MFSD6: variants seen among roughly 807,000 people sequenced by gnomAD.
MFSD6 encodes the protein major facilitator superfamily domain-containing protein 6.
Under a neutral mutation model 56.3 loss-of-function variants are expected in MFSD6, and 26 were observed. The observed-to-expected ratio is 0.46, with a 90% CI of 0.34 to 0.64. The LOEUF is 0.64. Among genes scored for constraint, MFSD6 ranks in the 30% least tolerant of loss-of-function variants. The probability of loss-of-function intolerance (pLI) is 0.01; values close to 1 mark genes in which losing one functional copy is unlikely to be tolerated. For synonymous variants in MFSD6, 331 were observed against 366.9 expected (o/e 0.90, Z 1.12); for missense variants, 750 against 986.2 (o/e 0.76, Z 3.21).
intron 2 of MFSD6, among the ~76,000 whole-genome samples, chr2:190,419,164 GA>G (rs1230544803): frequency 3.9e-5 from 6 of 152,178 alleles, no homozygotes; most frequent in African/African-American, 1.4e-4. Flanking sequence ...AAATCTATGG[GA>G]ATTGACCTCG....
rs777452748 is a variant in MFSD6, at chr2:190,436,673, C to T, written c.644C>T (p.Pro215Leu). ...AATGTCTCAGACACCGTTACTTTGC[C>T]AACAGCTCCAAACATGAACAGTGAA... ...RLNVSDTVTL[P>L]TAPNMNSEPT... Residue 215 changes from proline to leucine, a missense_variant, in exon 3 of 8, where the codon CCA (proline) becomes CTA (leucine). This residue lies in a region of MFSD6 where 376 missense variants were observed against 437.9 expected (regional missense o/e 0.86). Coordinates refer to ENST00000392328, the MANE Select transcript of MFSD6 (RefSeq NM_017694.4). This position sits in a 1 kb window ranked among gnomAD's most constrained non-coding sequence, Gnocchi z 5.3. The T allele has an allele frequency of 5.0e-6, 8 of 1,614,062 alleles. No individual in the cohort carries two copies. The highest frequency in any genetic ancestry group is 2.2e-5 in the East Asian group (1 of 44,904).
intron 4 of MFSD6, among the ~76,000 whole-genome samples, chr2:190,481,907 C>T (rs1438207748): frequency 6.6e-6 from 1 of 152,220 alleles, no homozygotes; most frequent in African/African-American, 2.4e-5. Context: ...CTGTTAGTAG[C>T]CCCAACTCTG....
chr2:190,464,932 G>A, intron 3 of MFSD6: 1 of 982,698 alleles, frequency 1.0e-6, no homozygotes, highest in South Asian at 4.7e-5. Flanking sequence ...GGTGGATTTA[G>A]CCATATTATA....
intron 2 of MFSD6, among the ~76,000 whole-genome samples, chr2:190,430,825 G>C (rs1685954392): frequency 6.7e-6 from 1 of 148,418 alleles, no homozygotes; most frequent in Non-Finnish European, 1.5e-5. Context: ...CCCGGACGGG[G>C]CGGCCGGCCG....
intron 4 of MFSD6, among the ~76,000 whole-genome samples, chr2:190,484,345 T>A (rs35225524): frequency 0.082 from 12,478 of 152,288 alleles, 628 homozygotes; most frequent in African/African-American, 0.11. Flanking sequence ...TAAATGTGCT[T>A]ATTTCATCAC....
Position 190,490,655 on chromosome 2 carries a change from C to A in MFSD6, c.1891+789C>A, listed in dbSNP as rs55901912. On this transcript the variant is annotated intron_variant, in intron 6 of 7. Coordinates refer to ENST00000392328, the MANE Select transcript of MFSD6 (RefSeq NM_017694.4). This position sits in a 1 kb window ranked among gnomAD's most constrained non-coding sequence, Gnocchi z 4.5. ...GATGCCTTTATTAAGATTGTTCTACCAAAAGGAGGTTATATCAAATATTAA... is the reference window on the plus strand; with the variant it reads ...GATGCCTTTATTAAGATTGTTCTACAAAAAGGAGGTTATATCAAATATTAA... Among the ~76,000 whole-genome samples the A allele has an allele frequency of 0.28, 42,409 of 152,000 alleles. 6,268 individuals carry two copies. The highest frequency in any genetic ancestry group is 0.33 in the South Asian group (1,589 of 4,818).
intron 3 of MFSD6, among the ~76,000 whole-genome samples, chr2:190,444,526 T>A (rs1238140973): frequency 6.6e-6 from 1 of 152,248 alleles, no homozygotes; most frequent in African/African-American, 2.4e-5. Flanking sequence ...GTAAAGTGGC[T>A]GTGTGTTCTT....
rs989994257 is a variant in MFSD6 at position 190,471,834 on chromosome 2, A to G, written c.1630+1979A>G. Among the ~76,000 whole-genome samples the G allele has an allele frequency of 2.6e-5, 4 of 151,926 alleles. No individual in the cohort carries two copies. The highest frequency in any genetic ancestry group is 5.9e-5 in the Non-Finnish European group (4 of 67,996). On this transcript the variant is annotated intron_variant, in intron 4 of 7. Transcript: ENST00000392328. This position sits in a 1 kb window ranked among gnomAD's most constrained non-coding sequence, Gnocchi z 4.7. ...CCCGCAAGTAGCCTAACTGGGAGGC[A>G]CCCCCCAGTAGGGGCAGACTGATAA...
rs1686259839 is a variant in MFSD6, at chr2:190,438,564, T to G, written c.1532+1003T>G. Among the ~76,000 whole-genome samples the G allele has an allele frequency of 6.6e-6, 1 of 152,192 alleles. No individual in the cohort carries two copies. On this transcript the variant is annotated intron_variant, in intron 3 of 7. Transcript: ENST00000392328. The surrounding 1 kb of genome is among the most constrained non-coding windows in gnomAD (Gnocchi z 5.2). ...GCCTAGTGTTTCTTGTTGTGTACTA[T>G]TTCTTCTCACCATTAATGTGCACCT... is the stretch of plus-strand genomic sequence containing the variant.
chr2:190,466,221 A>C (rs1251604016), intron 3 of MFSD6, among the ~76,000 whole-genome samples: 1 of 152,160 alleles, frequency 6.6e-6, no homozygotes, highest in African/African-American at 2.4e-5. Flanking sequence ...AAATACAATC[A>C]CATTTTGAGG....
chr2:190,499,976 A>T lies in MFSD6; in HGVS notation c.2173-39A>T. 1.2e-6 allele frequency: 2 copies of T among 1,609,774 alleles called. No homozygotes were observed. The highest frequency in any genetic ancestry group is 2.2e-5 in the South Asian group (2 of 90,902). Reference sequence around the variant, plus strand: ...ATATAAAAAGTTGGATTTATTTGCTATCACTGATCATGGGGCATCTCCTGT... The same window carrying T: ...ATATAAAAAGTTGGATTTATTTGCTTTCACTGATCATGGGGCATCTCCTGT... On this transcript the variant is annotated intron_variant, in intron 7 of 7. Transcript: ENST00000392328. This position sits in a 1 kb window ranked among gnomAD's most constrained non-coding sequence, Gnocchi z 6.0.
chr2:190,486,075 T>G (rs1268108299), intron 4 of MFSD6, among the ~76,000 whole-genome samples: 1 of 152,252 alleles, frequency 6.6e-6, no homozygotes, highest in Non-Finnish European at 1.5e-5. Context: ...GCTAAGTTAC[T>G]TGGAAATAGT....
At chr2:190,481,002 C>T (rs1443295014) in intron 4 of MFSD6, among the ~76,000 whole-genome samples, 2 of 152,160 alleles carry the variant, frequency 1.3e-5, no homozygotes, top group African/African-American at 2.4e-5. Context: ...ATGACCAAAG[C>T]GTAAGGGAAA....
At position 190,437,830 on chromosome 2, in the gene MFSD6, T is replaced by G. The variant is rs952140034; in HGVS notation, c.1532+269T>G. Reference sequence around the variant, plus strand: ...AAGACCTATAGGCTACCTAGCTGTGTGCTAAGAGACTCTCACAGTACATGT... The same window carrying G: ...AAGACCTATAGGCTACCTAGCTGTGGGCTAAGAGACTCTCACAGTACATGT... On this transcript the variant is annotated intron_variant, in intron 3 of 7. Transcript: ENST00000392328. The surrounding 1 kb of genome is among the most constrained non-coding windows in gnomAD (Gnocchi z 5.9). 5.3e-5 allele frequency among the ~76,000 whole-genome samples: 8 copies of G among 152,184 alleles called. No homozygotes were observed. Among genetic ancestry groups the G allele is most frequent in the African/African-American group, 1.7e-4 (7 of 41,446 alleles).
chr2:190,460,477 G>A (rs2125115023), intron 3 of MFSD6, among the ~76,000 whole-genome samples: 1 of 152,224 alleles, frequency 6.6e-6, no homozygotes, highest in Admixed American at 6.5e-5. Context: ...TGTTCAATAA[G>A]TATTTGTTAA....
chr2:190,480,796 G>GC (rs1280873315), intron 4 of MFSD6, among the ~76,000 whole-genome samples: 1 of 152,092 alleles, frequency 6.6e-6, no homozygotes, highest in Non-Finnish European at 1.5e-5. Flanking sequence ...ACTAATCCAT[G>GC]CAAAGTATTT....
Position 190,436,644 on chromosome 2 carries a change from G to A in MFSD6, c.615G>A (p.Arg205=), listed in dbSNP as rs1686186013. 2 of 1,613,976 alleles carry A rather than the reference G, an allele frequency of 1.2e-6. No homozygotes were observed. The highest frequency in any genetic ancestry group is 3.3e-5 in the Admixed American group (2 of 59,998). The stretch of plus-strand genomic sequence containing the variant: ...AGAAAAGAAACCTTTTGGAAACAAG[G>A]CTCAATGTCTCAGACACCGTTACTT... ...MREKRNLLET[R]LNVSDTVTLP... is the part of the protein sequence containing the mutation. The change falls in exon 3 of 8, where the codon AGG becomes AGA. Residue 205 remains arginine, a synonymous_variant. Coordinates refer to ENST00000392328, the MANE Select transcript of MFSD6 (RefSeq NM_017694.4). The surrounding 1 kb of genome is among the most constrained non-coding windows in gnomAD (Gnocchi z 5.3).
Position 190,462,955 on chromosome 2 carries a change from C to A in MFSD6, c.1533-6803C>A, listed in dbSNP as rs1367912723. ...GGTACCATGATGTAACTCAGGCCAC[C>A]TTCTTGGGATGGGAATCCCAAGGAA... is the stretch of plus-strand genomic sequence containing the variant. On this transcript the variant is annotated intron_variant, in intron 3 of 7. Coordinates refer to ENST00000392328, the MANE Select transcript of MFSD6 (RefSeq NM_017694.4). This position sits in a 1 kb window ranked among gnomAD's most constrained non-coding sequence, Gnocchi z 5.7. Among the ~76,000 whole-genome samples, 1 of 152,154 alleles carries A rather than the reference C, an allele frequency of 6.6e-6. No individual in the cohort carries two copies. Among genetic ancestry groups the A allele is most frequent in the African/African-American group, 2.4e-5 (1 of 41,418 alleles).
At position 190,494,752 on chromosome 2, in the gene MFSD6, A is replaced by G. The variant is rs1574262016; in HGVS notation, c.1892-2687A>G. 6.6e-6 allele frequency among the ~76,000 whole-genome samples: 1 copy of G among 152,210 alleles called. No homozygotes were observed. The highest frequency in any genetic ancestry group is 1.9e-4 in the East Asian group (1 of 5,198). ...AAACAGAATTAAAAACAAAAATCACATGATCATCTCAGTAGACGCAGAAAA... is the reference window on the plus strand; with the variant it reads ...AAACAGAATTAAAAACAAAAATCACGTGATCATCTCAGTAGACGCAGAAAA... On this transcript the variant is annotated intron_variant, in intron 6 of 7. Transcript: ENST00000392328. This position sits in a 1 kb window ranked among gnomAD's most constrained non-coding sequence, Gnocchi z 5.7.
Sources: allele counts gnomAD v4.1 joint callset (sites outside exome capture counted in the v4.1 genomes callset), GRCh38; gene constraint gnomAD v4.1.1; regional missense constraint gnomAD v4.1.1; non-coding constraint Gnocchi (gnomAD v3.1); transcripts MANE v1.5; gene names NCBI Gene and HGNC (gene_info 2026-07-23, HGNC 2026-07-21).